CNTN5: variants seen among roughly 807,000 people sequenced by gnomAD.
The protein encoded by CNTN5 is contactin 5.
In CNTN5, 77 loss-of-function variants were observed where a neutral mutation model predicts 129.1. That is an observed-to-expected ratio of 0.60 (90% confidence interval 0.50 to 0.72). The LOEUF (loss-of-function observed/expected upper bound fraction) is 0.72, where lower values mean the gene tolerates loss of function less well. CNTN5 is among the 30% of genes least tolerant of loss of function. CNTN5 has a pLI of 0.00. For missense variants in CNTN5, 1,478 were observed against 1,328.8 expected, an observed-to-expected ratio of 1.11 and a Z score of -1.75; for synonymous variants, 509 against 465.6, an observed-to-expected ratio of 1.09 and a Z score of -1.20.
intron 3 of CNTN5, among the ~76,000 whole-genome samples, chr11:99,665,951 GTT>G (rs35577344): frequency 2.0e-5 from 3 of 151,072 alleles, no homozygotes; most frequent in South Asian, 2.1e-4. Context: ...ATTGTTAACT[GTT>G]TTTTTTTGTT....
intron 13 of CNTN5, among the ~76,000 whole-genome samples, chr11:100,169,422 T>C (rs978442729): frequency 6.6e-6 from 1 of 151,996 alleles, no homozygotes; most frequent in Admixed American, 6.6e-5. Flanking sequence ...TCTGAGTATT[T>C]GCCACTAGTC....
chr11:99,044,704 G>A (rs938956219), intron 1 of CNTN5, among the ~76,000 whole-genome samples: 3 of 152,128 alleles, frequency 2.0e-5, no homozygotes, highest in Admixed American at 6.5e-5. Flanking sequence ...TCCTTTTCCC[G>A]AGGGGTGGGG....
chr11:99,132,959 G>A (rs761884095), intron 1 of CNTN5, among the ~76,000 whole-genome samples: 4 of 152,068 alleles, frequency 2.6e-5, no homozygotes, highest in Non-Finnish European at 4.4e-5. Context: ...ACAGTCCTAA[G>A]CAAAAAGAAC....
At chr11:100,025,866 T>G (rs1301201461) in intron 9 of CNTN5, among the ~76,000 whole-genome samples, 1 of 152,214 alleles carries the variant, frequency 6.6e-6, no homozygotes, top group Non-Finnish European at 1.5e-5. Flanking sequence ...GCTTTTGATT[T>G]TACAGGCTCA....
chr11:100,044,038 AC>A (rs1301018354), intron 9 of CNTN5, among the ~76,000 whole-genome samples: 3 of 145,244 alleles, frequency 2.1e-5, no homozygotes, highest in South Asian at 2.2e-4. Flanking sequence ...CACCTTTCTC[AC>A]CCCCTCCCAC....
chr11:99,177,491 A>T (rs11605370), intron 1 of CNTN5, among the ~76,000 whole-genome samples: 19,965 of 152,194 alleles, frequency 0.13, 1,452 homozygotes, highest in Middle Eastern at 0.24. Flanking sequence ...AGAAAGCAGG[A>T]TCTGTTTGTT....
At chr11:99,181,558 G>C (rs1053923649) in intron 1 of CNTN5, among the ~76,000 whole-genome samples, 14 of 152,240 alleles carry the variant, frequency 9.2e-5, no homozygotes, top group African/African-American at 3.4e-4. Flanking sequence ...GCGTTGCAAC[G>C]GTGGCTACCC....
At chr11:99,931,094 T>C (rs1950182328) in intron 7 of CNTN5, among the ~76,000 whole-genome samples, 1 of 152,162 alleles carries the variant, frequency 6.6e-6, no homozygotes. Context: ...AGTTACTTAA[T>C]AATATCTGAA....
intron 2 of CNTN5, among the ~76,000 whole-genome samples, chr11:99,462,601 T>C (rs1944755964): frequency 6.6e-6 from 1 of 152,148 alleles, no homozygotes; most frequent in Non-Finnish European, 1.5e-5. Context: ...AAGACCGTAA[T>C]AATGCCTTTG....
intron 18 of CNTN5, among the ~76,000 whole-genome samples, chr11:100,288,085 C>A (rs1362875799): frequency 1.3e-5 from 2 of 152,110 alleles, no homozygotes; most frequent in African/African-American, 4.8e-5. Context: ...GCACCCAATA[C>A]AGGAGCACCC....
chr11:100,219,257 C>G (rs1325501464), intron 15 of CNTN5, among the ~76,000 whole-genome samples: 1 of 152,114 alleles, frequency 6.6e-6, no homozygotes, highest in Non-Finnish European at 1.5e-5. Flanking sequence ...CCTGTATCCA[C>G]AAATCTTAGC....
At chr11:99,957,619 A>G (rs1436222692) in intron 8 of CNTN5, among the ~76,000 whole-genome samples, 2 of 152,182 alleles carry the variant, frequency 1.3e-5, no homozygotes, top group Non-Finnish European at 2.9e-5. Flanking sequence ...AAAGAATTCA[A>G]GTGCTATATT....
At chr11:99,068,674 C>T (rs1183400322) in intron 1 of CNTN5, among the ~76,000 whole-genome samples, 4 of 152,080 alleles carry the variant, frequency 2.6e-5, no homozygotes, top group East Asian at 3.9e-4. Flanking sequence ...AGAAGTTACA[C>T]AGTTAATTTT....
chr11:99,874,222 T>C (rs1478443987), intron 6 of CNTN5, among the ~76,000 whole-genome samples: 1 of 152,202 alleles, frequency 6.6e-6, no homozygotes, highest in Non-Finnish European at 1.5e-5. Flanking sequence ...AAAAAAGATA[T>C]GTCTGTTTAA....
chr11:99,928,037 G>A lies in CNTN5; in HGVS notation c.673+11888G>A, dbSNP rs922891420. 2.8e-4 allele frequency among the ~76,000 whole-genome samples: 43 copies of A among 152,110 alleles called. 3 individuals are homozygous for A. Among genetic ancestry groups the A allele is most frequent in the Non-Finnish European group, 1.5e-5 (1 of 68,024 alleles). On this transcript the variant is annotated intron_variant, in intron 7 of 24. Coordinates refer to ENST00000524871, the MANE Select transcript of CNTN5 (RefSeq NM_014361.4). The stretch of plus-strand genomic sequence containing the variant: ...ATGGGAGAAATTGGCCAAAATGAAG[G>A]AGTTAGAGGCCCCATGCAAGTCCTA...
At chr11:99,751,386 A>G (rs1944230642) in intron 3 of CNTN5, among the ~76,000 whole-genome samples, 1 of 152,152 alleles carries the variant, frequency 6.6e-6, no homozygotes, top group Non-Finnish European at 1.5e-5. Context: ...CTTACATGGG[A>G]CAAGATTACA....
chr11:99,570,432 A>T (rs911921470), intron 3 of CNTN5, among the ~76,000 whole-genome samples: 9 of 152,232 alleles, frequency 5.9e-5, no homozygotes, highest in Non-Finnish European at 1.3e-4. Flanking sequence ...CTATAGATAG[A>T]AAGTTTCAAG....
At chr11:99,767,313 A>G (rs929649104) in intron 3 of CNTN5, among the ~76,000 whole-genome samples, 19 of 152,120 alleles carry the variant, frequency 1.2e-4, no homozygotes, top group Non-Finnish European at 1.9e-4. Flanking sequence ...AGAGAGAGAC[A>G]GACTATGTAG....
At chr11:99,946,802 C>A (rs1950562462) in intron 7 of CNTN5, among the ~76,000 whole-genome samples, 1 of 119,580 alleles carries the variant, frequency 8.4e-6, no homozygotes, top group African/African-American at 3.3e-5. Context: ...TGTTTAAATC[C>A]CCTATTAGTA....
Sources: gnomAD v4.1 joint callset for allele counts (sites outside exome capture counted in the v4.1 genomes callset) on GRCh38, gnomAD v4.1.1 for gene constraint, MANE v1.5 for transcripts, NCBI Gene and HGNC (gene_info 2026-07-23, HGNC 2026-07-21) for gene names.